Variants in GAREM1 observed in about 807,000 individuals in gnomAD.
GAREM1 encodes the protein GRB2 associated regulator of MAPK1 subtype 1.
In GAREM1, 26 loss-of-function variants were observed where a neutral mutation model predicts 71.3. The observed-to-expected ratio is 0.36, with a 90% CI of 0.27 to 0.51. The LOEUF (loss-of-function observed/expected upper bound fraction) is 0.51. GAREM1 is among the 20% of genes least tolerant of loss of function. The pLI is 0.95. For synonymous variants in GAREM1, 440 were observed against 433.2 expected (o/e 1.02, Z -0.20); for missense variants, 1,026 against 1,103.1 (o/e 0.93, Z 0.99).
intron 1 of GAREM1, among the ~76,000 whole-genome samples, chr18:32,465,917 T>C (rs184623439): frequency 1.6e-4 from 24 of 152,350 alleles, no homozygotes; most frequent in African/African-American, 5.3e-4. Context: ...ACAAAAGTAA[T>C]GCACTTGTAT....
intron 2 of GAREM1, among the ~76,000 whole-genome samples, chr18:32,357,853 T>C (rs940964107): frequency 2.3e-4 from 35 of 152,250 alleles, no homozygotes; most frequent in Admixed American, 7.2e-4. Context: ...TAACTATAAA[T>C]AACTTAAGAA....
chr18:32,445,901 T>C (rs1056778457), intron 1 of GAREM1, among the ~76,000 whole-genome samples: 1 of 152,096 alleles, frequency 6.6e-6, no homozygotes, highest in African/African-American at 2.4e-5. Flanking sequence ...ATGGTAGAAA[T>C]TAGTCTCACA....
chr18:32,417,882 G>A (rs1408378673), intron 1 of GAREM1, among the ~76,000 whole-genome samples: 4 of 152,000 alleles, frequency 2.6e-5, no homozygotes, highest in Non-Finnish European at 5.9e-5. Flanking sequence ...AAGTATAATT[G>A]GATTATTTGT....
intron 1 of GAREM1, among the ~76,000 whole-genome samples, chr18:32,406,004 T>C (rs145876003): frequency 2.6e-5 from 4 of 152,350 alleles, no homozygotes; most frequent in African/African-American, 9.6e-5. Flanking sequence ...AGCGGTCTTC[T>C]AATAATCACA....
chr18:32,325,705 C>T (rs1485738361), intron 2 of GAREM1, among the ~76,000 whole-genome samples: 1 of 152,128 alleles, frequency 6.6e-6, no homozygotes, highest in East Asian at 1.9e-4. Context: ...CGTTTTGCTC[C>T]CAAATCTTTG....
At position 32,315,435 on chromosome 18, in the gene GAREM1, TA is replaced by T. The variant is rs374045739; in HGVS notation, c.263-5113del. 2.5e-3 allele frequency among the ~76,000 whole-genome samples: 366 copies of T among 146,546 alleles called. 4 individuals carry two copies. In the East Asian group the frequency reaches 0.033, roughly 13 times the overall value. ...TATATAAATATATATAAAGTATATATAAAAAAATATATATAAAAGTATATAT... is the reference window on the plus strand; with the variant it reads ...TATATAAATATATATAAAGTATATATAAAAAATATATATAAAAGTATATAT... On this transcript the variant is annotated intron_variant, in intron 2 of 5. Transcript: ENST00000269209.
chr18:32,443,121 A>G (rs2048755212), intron 1 of GAREM1, among the ~76,000 whole-genome samples: 1 of 152,166 alleles, frequency 6.6e-6, no homozygotes, highest in Admixed American at 6.6e-5. Flanking sequence ...CTCATTAAAA[A>G]ATAATCTATA....
At chr18:32,413,279 G>C (rs536718554) in intron 1 of GAREM1, 1 of 1,400,174 alleles carries the variant, frequency 7.1e-7, no homozygotes. Context: ...GTTTGGGGGA[G>C]TCACTCACAT....
chr18:32,420,287 G>C (rs1225885077), intron 1 of GAREM1, among the ~76,000 whole-genome samples: 1 of 151,918 alleles, frequency 6.6e-6, no homozygotes, highest in African/African-American at 2.4e-5. Flanking sequence ...TAGACAGGAA[G>C]GGGAAAGAAG....
intron 1 of GAREM1, among the ~76,000 whole-genome samples, chr18:32,461,920 C>T (rs571801438): frequency 1.3e-5 from 2 of 152,120 alleles, no homozygotes; most frequent in South Asian, 2.1e-4. Flanking sequence ...CAAAAATAAA[C>T]GAGTTTACAA....
At chr18:32,452,036 C>T (rs1190622496) in intron 1 of GAREM1, among the ~76,000 whole-genome samples, 1 of 152,128 alleles carries the variant, frequency 6.6e-6, no homozygotes, top group African/African-American at 2.4e-5. Context: ...GAAGACTTGA[C>T]TTTCACTCAT....
chr18:32,275,323 G>A (rs1196909124), intron 4 of GAREM1, among the ~76,000 whole-genome samples: 1 of 152,194 alleles, frequency 6.6e-6, no homozygotes, highest in Non-Finnish European at 1.5e-5. Flanking sequence ...TAATGTTTAT[G>A]ACTGGACTTC....
chr18:32,315,258 AC>A (rs1695349048), intron 2 of GAREM1, among the ~76,000 whole-genome samples: 1 of 151,994 alleles, frequency 6.6e-6, no homozygotes, highest in South Asian at 2.1e-4. Flanking sequence ...ATATAGATAC[AC>A]TATAGTGCTA....
At chr18:32,451,046 G>A (rs1217957430) in intron 1 of GAREM1, among the ~76,000 whole-genome samples, 1 of 152,086 alleles carries the variant, frequency 6.6e-6, no homozygotes, top group Non-Finnish European at 1.5e-5. Flanking sequence ...CTACTTAGAG[G>A]GGCTGAGGTG....
intron 1 of GAREM1, among the ~76,000 whole-genome samples, chr18:32,426,640 TTAAG>T (rs1281010158): frequency 6.6e-6 from 1 of 152,214 alleles, no homozygotes; most frequent in Admixed American, 6.5e-5. Flanking sequence ...CCACCTCTAC[TTAAG>T]TGTTTTCACA....
chr18:32,289,862 G>A (rs2047063022), intron 3 of GAREM1, among the ~76,000 whole-genome samples: 2 of 152,166 alleles, frequency 1.3e-5, no homozygotes, highest in African/African-American at 4.8e-5. Flanking sequence ...GTTGAGAAAC[G>A]CTGGTATAAT....
At chr18:32,404,995 T>C (rs1426602782) in intron 1 of GAREM1, among the ~76,000 whole-genome samples, 4 of 152,198 alleles carry the variant, frequency 2.6e-5, no homozygotes, top group Non-Finnish European at 4.4e-5. Flanking sequence ...TGTTGGCACT[T>C]AATATAAATT....
chr18:32,282,733 T>C lies in GAREM1; in HGVS notation c.1566+4298A>G, dbSNP rs142748715. Among the ~76,000 whole-genome samples, 27 of 152,276 alleles carry C rather than the reference T, an allele frequency of 1.8e-4. No individual in the cohort carries two copies. In the East Asian group the frequency reaches 5.0e-3, roughly 28 times the overall value. Reference sequence around the variant, plus strand: ...CTAACCCTGCAGTTTTGATAACCATTTGTAACTCATTGCATAGACGAGAAC... The same window carrying C: ...CTAACCCTGCAGTTTTGATAACCATCTGTAACTCATTGCATAGACGAGAAC... On this transcript the variant is annotated intron_variant, in intron 4 of 5. Transcript: ENST00000269209.
At chr18:32,396,555 A>C (rs963228319) in intron 1 of GAREM1, among the ~76,000 whole-genome samples, 7 of 152,244 alleles carry the variant, frequency 4.6e-5, no homozygotes, top group African/African-American at 1.7e-4. Context: ...AAAGGGTATC[A>C]GTGATTGAAG....
Sources: gnomAD v4.1 joint callset for allele counts (sites outside exome capture counted in the v4.1 genomes callset) on GRCh38, gnomAD v4.1.1 for gene constraint, MANE v1.5 for transcripts, NCBI Gene and HGNC (gene_info 2026-07-23, HGNC 2026-07-21) for gene names.